The following PCDH10 variants were observed in gnomAD, a reference collection of about 807,000 sequenced individuals.
PCDH10 encodes the protein protocadherin-10.
Under a neutral mutation model 74.4 loss-of-function variants are expected in PCDH10, and 15 were observed. The observed-to-expected ratio is 0.20, with a 90% CI of 0.13 to 0.31. The LOEUF is 0.31. Ranked by LOEUF, PCDH10 falls within the 10% of genes least tolerant of loss-of-function variation. The pLI, the probability that PCDH10 is intolerant of heterozygous loss-of-function variation, is 1.00. For synonymous variants in PCDH10, 619 were observed against 589.8 expected, an observed-to-expected ratio of 1.05 and a Z score of -0.72; for missense variants, 1,260 against 1,390.2, an observed-to-expected ratio of 0.91 and a Z score of 1.49.
intron 2 of PCDH10, 62 bp downstream of exon 2, chr4:133,154,427 T>G: frequency 1.1e-6 from 1 of 887,650 alleles, no homozygotes; most frequent in Non-Finnish European, 1.8e-6. Flanking sequence ...AAGTAGGAAG[T>G]AGGTATATTA....
intron 2 of PCDH10, among the ~76,000 whole-genome samples, chr4:133,206,993 T>C (rs1728020517): frequency 6.6e-6 from 1 of 152,132 alleles, no homozygotes; most frequent in Non-Finnish European, 1.5e-5. Context: ...AATTGGTTTA[T>C]TTCATTACAT....
At chr4:133,199,132 A>T (rs13110064), downstream of PCDH10, among the ~76,000 whole-genome samples, 71,765 of 150,854 alleles carry the variant, frequency 0.48, 19,172 homozygotes, top group Admixed American at 0.6. Context: ...AAAAATTTTT[A>T]AAAAATTTAG....
intron 3 of PCDH10, among the ~76,000 whole-genome samples, chr4:133,161,427 C>A (rs886843000): frequency 6.6e-6 from 1 of 151,902 alleles, no homozygotes; most frequent in East Asian, 1.9e-4. Context: ...TTAGACAAAC[C>A]AGAGTGTTCA....
chr4:133,168,130 C>T (rs1444569775), intron 4 of PCDH10, among the ~76,000 whole-genome samples: 1 of 151,366 alleles, frequency 6.6e-6, no homozygotes, highest in Non-Finnish European at 1.5e-5. Flanking sequence ...TTCTCTGTAA[C>T]ACTAGATACA....
In PCDH10 at chr4:133,180,913, C is replaced by T. The variant is rs561670947; in HGVS notation, c.3104-9228C>T. Among the ~76,000 whole-genome samples the T allele has an allele frequency of 4.0e-5, 6 of 150,022 alleles. 1 individual carries two copies. In the East Asian group the frequency reaches 1.2e-3, roughly 29 times the overall value. On this transcript the variant is annotated intron_variant, in intron 4 of 4. Transcript: ENST00000264360. ...ATATTATCTTGTTTCAATAATTTAA[C>T]ATTTTTGTGATTTTTTTAAAGCTAA...
At chr4:133,163,936 A>G (rs909739795) in intron 4 of PCDH10, 1 of 447,004 alleles carries the variant, frequency 2.2e-6, no homozygotes, top group Non-Finnish European at 4.5e-6. Context: ...ATAACGTGAA[A>G]AGCAAAGATT....
At chr4:133,205,000 T>C (rs1727973949) in intron 2 of PCDH10, among the ~76,000 whole-genome samples, 1 of 152,154 alleles carries the variant, frequency 6.6e-6, no homozygotes, top group Admixed American at 6.5e-5. Flanking sequence ...GGGGATGATG[T>C]GATTAGCTTA....
At chr4:133,173,988 T>G (rs1035487466) in intron 4 of PCDH10, among the ~76,000 whole-genome samples, 4 of 151,936 alleles carry the variant, frequency 2.6e-5, no homozygotes, top group Non-Finnish European at 1.5e-5. Flanking sequence ...GCTATTATTA[T>G]ACAACGAAGT....
intron 4 of PCDH10, among the ~76,000 whole-genome samples, chr4:133,171,798 T>C (rs929831006): frequency 6.6e-6 from 1 of 152,112 alleles, no homozygotes; most frequent in East Asian, 1.9e-4. Flanking sequence ...ATTTTCACCA[T>C]TAATAACCTA....
chr4:133,163,839 T>C (rs1406340813), intron 4 of PCDH10: 2 of 416,346 alleles, frequency 4.8e-6, no homozygotes, highest in Non-Finnish European at 9.4e-6. Flanking sequence ...TCATTTCTTT[T>C]ATGACTGATG....
downstream of PCDH10, among the ~76,000 whole-genome samples, chr4:133,197,030 G>A (rs1230769090): frequency 6.6e-6 from 1 of 152,086 alleles, no homozygotes; most frequent in Non-Finnish European, 1.5e-5. Flanking sequence ...CTTGCCATTG[G>A]TATCCACTCA....
intron 1 of PCDH10, 106 bp downstream of exon 1, chr4:133,152,877 T>G: frequency 6.6e-7 from 1 of 1,514,642 alleles, no homozygotes; most frequent in Non-Finnish European, 8.9e-7. Context: ...TTTAGGATAT[T>G]AGCTTATGTG....
intron 3 of PCDH10, among the ~76,000 whole-genome samples, chr4:133,155,818 G>T (rs1229020111): frequency 1.3e-5 from 2 of 151,978 alleles, no homozygotes; most frequent in African/African-American, 4.8e-5. Context: ...AATACTAAAA[G>T]GAAACTCTTA....
At chr4:133,201,952 G>A (rs541759585) in intron 2 of PCDH10, among the ~76,000 whole-genome samples, 3 of 150,690 alleles carry the variant, frequency 2.0e-5, no homozygotes, top group South Asian at 2.1e-4. Flanking sequence ...GCAGAGTGAA[G>A]AAGGCTTAGG....
chr4:133,166,602 A>T (rs72715788), intron 4 of PCDH10, among the ~76,000 whole-genome samples: 21,593 of 151,272 alleles, frequency 0.14, 1,825 homozygotes, highest in Middle Eastern at 0.23. Context: ...ATTTCAGAAA[A>T]CCCTACTAGT....
chr4:133,179,679 A>G (rs1727368127), intron 4 of PCDH10, among the ~76,000 whole-genome samples: 1 of 152,160 alleles, frequency 6.6e-6, no homozygotes, highest in Non-Finnish European at 1.5e-5. Context: ...ATTCTTAAAC[A>G]TAATTGCTGT....
At position 133,152,726 on chromosome 4, in the gene PCDH10, C is replaced by T; in HGVS notation, c.2586C>T (p.Asp862=). Residue 862 remains aspartate, a synonymous_variant, in exon 1 of 5, where the codon GAC becomes GAT. Transcript: ENST00000264360. Reference sequence around the variant, plus strand: ...GGGCCATCGTCACCGGTTACACCGACCAGCAGCCTGATATCATCTCCAACG... The same window carrying T: ...GGGCCATCGTCACCGGTTACACCGATCAGCAGCCTGATATCATCTCCAACG... ...PCGAIVTGYT[D]QQPDIISNGS... The T allele has an allele frequency of 3.1e-6, 5 of 1,614,216 alleles. No homozygotes were observed. In the South Asian group the frequency reaches 4.4e-5, roughly 14 times the overall value.
At chr4:133,164,916 A>T (rs550606424) in intron 4 of PCDH10, among the ~76,000 whole-genome samples, 1 of 149,178 alleles carries the variant, frequency 6.7e-6, no homozygotes, top group South Asian at 2.1e-4. Context: ...TCACCAGGAA[A>T]ATTTTAATTA....
At chr4:133,162,519 A>G (rs1726990103) in intron 3 of PCDH10, among the ~76,000 whole-genome samples, 1 of 152,022 alleles carries the variant, frequency 6.6e-6, no homozygotes, top group South Asian at 2.1e-4. Flanking sequence ...TGCTTGGCAT[A>G]TTTCTTATGT....
Sources: gnomAD v4.1 joint callset for allele counts (sites outside exome capture counted in the v4.1 genomes callset) on GRCh38, gnomAD v4.1.1 for gene constraint, MANE v1.5 for transcripts, NCBI Gene and HGNC (gene_info 2026-07-23, HGNC 2026-07-21) for gene names.